Variants in MUC5B observed in about 807,000 individuals in gnomAD.
MUC5B encodes the protein mucin 5B, oligomeric mucus/gel-forming.
Under a neutral mutation model 376.9 loss-of-function variants are expected in MUC5B, and 116 were observed. That is an observed-to-expected ratio of 0.31 (90% CI 0.26 to 0.36). MUC5B has a LOEUF of 0.36. Among genes scored for constraint, MUC5B ranks in the 10% least tolerant of loss-of-function variants. The pLI is 1.00. For synonymous variants in MUC5B, 3,517 were observed against 3,390.9 expected, an observed-to-expected ratio of 1.04 and a Z score of -1.29; for missense variants, 7,165 against 7,769.9, an observed-to-expected ratio of 0.92 and a Z score of 2.93.
At chr11:1,251,928 C>T (rs2133845710) in intron 31 of MUC5B, among the ~76,000 whole-genome samples, 185 bp downstream of exon 31, 1 of 151,940 alleles carries the variant, frequency 6.6e-6, no homozygotes, top group African/African-American at 2.4e-5. Flanking sequence ...TGGCCACAAT[C>T]CGTCCGCACT....
chr11:1,244,903 G>A lies in MUC5B; in HGVS notation c.8023G>A (p.Ala2675Thr), dbSNP rs1369879406. The A allele has an allele frequency of 1.9e-6, 3 of 1,605,404 alleles. No individual in the cohort carries two copies. The highest frequency in any genetic ancestry group is 3.4e-5 in the Admixed American group (2 of 58,486). Residue 2675 changes from alanine to threonine, a missense_variant, in exon 31 of 49, where the codon GCA becomes ACA. By Grantham distance (58) the Ala-to-Thr change is moderately conservative. This residue lies in a region of MUC5B where 141 missense variants were observed against 111.2 expected (regional missense o/e 1.27). Transcript: ENST00000529681. ...TTTTVATGSM[A>T]TPSSSTQTSG... Reference sequence around the variant, plus strand: ...CACAACTGTGGCCACTGGTTCTATGGCAACACCCTCCTCTAGCACACAGAC... The same window carrying A: ...CACAACTGTGGCCACTGGTTCTATGACAACACCCTCCTCTAGCACACAGAC...
rs375272740 is a variant in MUC5B at position 1,260,387 on chromosome 11, G to C, written c.16960G>C (p.Glu5654Gln). The change falls in exon 47 of 49, where the codon GAG (glutamate) becomes CAG (glutamine). Residue 5654 changes from glutamate (E) to glutamine (Q), a missense_variant. Glu to Gln is a conservative substitution (Grantham distance 29). This residue lies in a region of MUC5B where 842 missense variants were observed against 1,016.9 expected (regional missense o/e 0.83). Coordinates refer to ENST00000529681, the MANE Select transcript of MUC5B (RefSeq NM_002458.3). ...LRKTGCCYSC[E>Q]EDSCQVRINT... ...GAAAACCGGCTGCTGCTACTCCTGTGAGGAGGGTAAGTGGAAGCCACCTTC... is the reference window on the plus strand; with the variant it reads ...GAAAACCGGCTGCTGCTACTCCTGTCAGGAGGGTAAGTGGAAGCCACCTTC... 47 of 1,612,438 alleles carry C rather than the reference G, an allele frequency of 2.9e-5. No homozygotes were observed. The highest frequency in any genetic ancestry group is 3.8e-5 in the Non-Finnish European group (45 of 1,179,788).
Position 1,248,402 on chromosome 11 carries a change from C to A in MUC5B, c.11522C>A (p.Ala3841Asp). 6.2e-7 allele frequency: 1 copy of A among 1,612,756 alleles called. No homozygotes were observed. Among genetic ancestry groups the A allele is most frequent in the East Asian group, 2.2e-5 (1 of 44,848 alleles). The change falls in exon 31 of 49, where the codon GCC (alanine) becomes GAC (aspartate). Residue 3841 changes from alanine (A) to aspartate (D), a missense_variant. Transcript: ENST00000529681. ...ACCTCCACAGTGCTTACCACCACGG[C>A]CACCACAACCAGGGCCACCGGCTCT... ...AHTSTVLTTT[A>D]TTTRATGSVA...
rs749312348 is a variant in MUC5B, at chr11:1,254,805, G to A, written c.15589G>A (p.Val5197Ile). The A allele has an allele frequency of 3.5e-5, 56 of 1,612,706 alleles. No homozygotes were observed. The highest frequency in any genetic ancestry group is 4.0e-5 in the Non-Finnish European group (47 of 1,179,804). The change falls in exon 35 of 49, where the codon GTC becomes ATC. Residue 5197 changes from valine to isoleucine, a missense_variant. Val to Ile is a conservative substitution (Grantham distance 29, BLOSUM62 3). Coordinates refer to ENST00000529681, the MANE Select transcript of MUC5B (RefSeq NM_002458.3). ...GGACATTCCTGCCCTGGGCGTGAGC[G>A]TCACCTTCAATGGCCAAGTCTTCCA... ...RVDIPALGVS[V>I]TFNGQVFQAR...
rs1462115500 is a variant in MUC5B, at chr11:1,253,223, CAGT to C, written c.15217+244_15217+246del. Among the ~76,000 whole-genome samples, 1 of 152,106 alleles carries C rather than the reference CAGT, an allele frequency of 6.6e-6. No individual in the cohort carries two copies. The highest frequency in any genetic ancestry group is 1.9e-4 in the East Asian group (1 of 5,184). On this transcript the variant is annotated intron_variant, in intron 33 of 48. Coordinates refer to ENST00000529681, the MANE Select transcript of MUC5B (RefSeq NM_002458.3). The surrounding 1 kb of genome is among the most constrained non-coding windows in gnomAD (Gnocchi z 4.3). ...TCATGCACCATGCTGTCTTGGGCCT[CAGT>C]GGTGCACGTCGTGAGAGCTGTTAGT...
At position 1,243,051 on chromosome 11, in the gene MUC5B, G is replaced by A. The variant is rs536957713; in HGVS notation, c.6171G>A (p.Thr2057=). The stretch of plus-strand genomic sequence containing the variant: ...CCAAAGTGCCAACTACCACAACCAC[G>A]GGCTTCACAGCCACCCCCTCCTCCA... The part of the protein sequence containing the change: ...HTTKVPTTTT[T]GFTATPSSSP... The change falls in exon 31 of 49, where the codon ACG becomes ACA. Residue 2057 remains threonine, a synonymous_variant. Coordinates refer to ENST00000529681, the MANE Select transcript of MUC5B (RefSeq NM_002458.3). 9.1e-5 allele frequency: 147 copies of A among 1,607,504 alleles called. No homozygotes were observed. The East Asian group carries it at 1.5e-3, about 16-fold the overall frequency.
rs762923739 is a variant in MUC5B at position 1,243,723 on chromosome 11, G to C, written c.6843G>C (p.Arg2281Ser). The part of the protein sequence containing the change: ...TTPGHTTATS[R>S]TTATATPSKT... ...CGGGCCACACCACGGCCACCTCCAG[G>C]ACCACAGCCACGGCCACACCCAGCA... The change falls in exon 31 of 49, where the codon AGG becomes AGC. Residue 2281 changes from arginine (R) to serine (S), a missense_variant. Arg to Ser is a moderately radical substitution (Grantham distance 110). Around this residue, in one of 31 missense-constraint regions of MUC5B, gnomAD observed 79 missense variants for 63.0 expected, o/e 1.25. Coordinates refer to ENST00000529681, the MANE Select transcript of MUC5B (RefSeq NM_002458.3). 1.6e-5 allele frequency: 25 copies of C among 1,611,256 alleles called. No individual in the cohort carries two copies. The highest frequency in any genetic ancestry group is 1.9e-5 in the Non-Finnish European group (23 of 1,179,528).
At position 1,242,434 on chromosome 11, in the gene MUC5B, G is replaced by A; in HGVS notation, c.5554G>A (p.Glu1852Lys). 6.2e-7 allele frequency: 1 copy of A among 1,613,806 alleles called. No individual in the cohort carries two copies. The highest frequency in any genetic ancestry group is 8.5e-7 in the Non-Finnish European group (1 of 1,179,832). The change falls in exon 31 of 49, where the codon GAG becomes AAG. Residue 1852 changes from glutamate (E) to lysine (K), a missense_variant. Coordinates refer to ENST00000529681, the MANE Select transcript of MUC5B (RefSeq NM_002458.3). ...CGGGCAGGTGCTGACCTGCAGCCTG[G>A]AGACGGGGCTGACCTGCAAGAACGA... Reference protein sequence around the residue: ...QVGQVLTCSLETGLTCKNEDQ... With the variant: ...QVGQVLTCSLKTGLTCKNEDQ...
Position 1,229,763 on chromosome 11 carries a change from C to A in MUC5B, c.1176C>A (p.Arg392=). The change falls in exon 10 of 49, where the codon CGC becomes CGA. Residue 392 remains arginine (R), a synonymous_variant. Coordinates refer to ENST00000529681, the MANE Select transcript of MUC5B (RefSeq NM_002458.3). Reference sequence around the variant, plus strand: ...AGTGCCCCTGCACCCACGGCGGCCGCACCTACAGCCCGGGCACCTCCTTCA... The same window carrying A: ...AGTGCCCCTGCACCCACGGCGGCCGAACCTACAGCCCGGGCACCTCCTTCA... ...LGQCPCTHGG[R]TYSPGTSFNT... 1 of 1,601,976 alleles carries A rather than the reference C, an allele frequency of 6.2e-7. No homozygotes were observed.
chr11:1,224,706 T>C (rs1861842653), intron 1 of MUC5B, among the ~76,000 whole-genome samples: 1 of 152,026 alleles, frequency 6.6e-6, no homozygotes, highest in Non-Finnish European at 1.5e-5. Context: ...ATCGGCTGGC[T>C]TTCTGGGAAA....
At chr11:1,226,950 C>T (rs1408540600) in intron 4 of MUC5B, 74 bp downstream of exon 4, 60 of 1,070,272 alleles carry the variant, frequency 5.6e-5, no homozygotes, top group Non-Finnish European at 7.6e-5. Context: ...CATGTCTGAC[C>T]TGGGCCAGGG....
chr11:1,233,951 C>T (rs1862098784), intron 19 of MUC5B, 103 bp downstream of exon 19: 1 of 1,230,252 alleles, frequency 8.1e-7, no homozygotes, highest in South Asian at 1.3e-5. Flanking sequence ...CTGAACCCTG[C>T]CGGGCCAGGT....
chr11:1,233,685 G>C, intron 18 of MUC5B, 108 bp from the exon 19 acceptor site: 1 of 1,080,410 alleles, frequency 9.3e-7, no homozygotes, highest in Non-Finnish European at 1.4e-6. Context: ...CTTACAAGGA[G>C]GTGGCCAGGC....
At position 1,258,557 on chromosome 11, in the gene MUC5B, G is replaced by C. The variant is rs953537867; in HGVS notation, c.16593+190G>C. Among the ~76,000 whole-genome samples, 4 of 152,158 alleles carry C rather than the reference G, an allele frequency of 2.6e-5. No individual in the cohort carries two copies. The highest frequency in any genetic ancestry group is 5.9e-5 in the Non-Finnish European group (4 of 68,000). Reference sequence around the variant, plus strand: ...GGGCACCTTACGTCGACAGCCATGAGCTCCACAACTGCTGCCTCTGAGAGG... The same window carrying C: ...GGGCACCTTACGTCGACAGCCATGACCTCCACAACTGCTGCCTCTGAGAGG... On this transcript the variant is annotated intron_variant, in intron 43 of 48. Transcript: ENST00000529681. This position sits in a 1 kb window ranked among gnomAD's most constrained non-coding sequence, Gnocchi z 5.5.
At chr11:1,224,564 CCTGGGGCTGGGGAGGGGCTG>C (rs1387954560) in intron 1 of MUC5B, among the ~76,000 whole-genome samples, 52 of 90,072 alleles carry the variant, frequency 5.8e-4, no homozygotes, top group Non-Finnish European at 1.0e-3. Context: ...GGAGGGGCTG[CCTGGGGCTGGGGAGGGGCTG>C]CTGGGGTGGG....
chr11:1,261,419 C>A lies in MUC5B; in HGVS notation c.17100C>A (p.His5700Gln). 1.3e-6 allele frequency: 2 copies of A among 1,554,216 alleles called. No homozygotes were observed. Among genetic ancestry groups the A allele is most frequent in the East Asian group, 4.8e-5 (2 of 41,266 alleles). Residue 5700 changes from histidine to glutamine, a missense_variant, in exon 49 of 49, where the codon CAC becomes CAA. Transcript: ENST00000529681. ...CAGCAGAGGCCCAGGCCATGCAGCA[C>A]CAGTGCACCTGCTGCCAGGAGAGGC... ...KYSAEAQAMQ[H>Q]QCTCCQERRV...
In MUC5B at chr11:1,262,082, C is replaced by A. The variant is rs780026313; in HGVS notation, c.*474C>A. ...CTGCAGGGTAACTCAGGGCTGAGGT[C>A]GCAACGGCCAGGTCAGAGAGGGGTC... On this transcript the variant is annotated 3_prime_UTR_variant, in exon 49 of 49. Transcript: ENST00000529681. The A allele has an allele frequency of 5.7e-6, 3 of 529,882 alleles. No homozygotes were observed. The highest frequency in any genetic ancestry group is 1.1e-5 in the Non-Finnish European group (3 of 263,326). The allele number at this position is 529,882 out of a possible 1,614,324, so 32.8% of individuals were successfully genotyped here. A position where few individuals can be genotyped will look rare whatever the true frequency, so the allele number is the denominator to read the frequency against.
chr11:1,250,003 G>A lies in MUC5B; in HGVS notation c.13123G>A (p.Ala4375Thr). 1 of 1,610,952 alleles carries A rather than the reference G, an allele frequency of 6.2e-7. No individual in the cohort carries two copies. The highest frequency in any genetic ancestry group is 8.5e-7 in the Non-Finnish European group (1 of 1,178,646). ...VLTTKATTTR[A>T]TSSTSTPSST... ...GACCACGAAGGCCACCACGACAAGG[G>A]CCACCAGTTCCACGTCCACCCCCTC... Residue 4375 changes from alanine (A) to threonine (T), a missense_variant, in exon 31 of 49, where the codon GCC becomes ACC. Transcript: ENST00000529681.
At chr11:1,229,385 C>G (rs536300219) in intron 9 of MUC5B, 90 bp downstream of exon 9, 3 of 1,383,522 alleles carry the variant, frequency 2.2e-6, no homozygotes, top group Admixed American at 5.0e-5. Flanking sequence ...GGAAGCAGAG[C>G]CCCTCATGCC....
Sources: gnomAD v4.1 joint callset for allele counts (sites outside exome capture counted in the v4.1 genomes callset) on GRCh38, gnomAD v4.1.1 for gene constraint, gnomAD v4.1.1 regional missense constraint, Gnocchi (gnomAD v3.1) non-coding constraint, MANE v1.5 for transcripts, NCBI Gene and HGNC (gene_info 2026-07-23, HGNC 2026-07-21) for gene names.